Variants in SH3KBP1 observed in about 807,000 individuals in gnomAD.
SH3KBP1 encodes the protein SH3 domain containing kinase binding protein 1.
Under a neutral mutation model 50.1 loss-of-function variants are expected in SH3KBP1, and 8 were observed. The observed-to-expected ratio is 0.16, with a 90% CI of 0.09 to 0.29. The LOEUF is 0.29. Ranked by LOEUF, SH3KBP1 falls within the 10% of genes least tolerant of loss-of-function variation. SH3KBP1 has a pLI of 1.00. For synonymous variants in SH3KBP1, 227 were observed against 218.6 expected (o/e 1.04, Z -0.34); for missense variants, 377 against 535.2 (o/e 0.70, Z 2.92).
chrX:19,779,429 A>ATT (rs751392909), intron 2 of SH3KBP1, among the ~76,000 whole-genome samples: 7 of 104,682 alleles, frequency 6.7e-5, no homozygotes, highest in Admixed American at 6.2e-4. Context: ...ACAGCACTTT[A>ATT]TTTTTTTTTT....
chrX:19,541,853 C>G, intron 16 of SH3KBP1, 72 bp downstream of exon 16: 1 of 1,121,576 alleles, frequency 8.9e-7, no homozygotes, highest in Non-Finnish European at 1.2e-6. Flanking sequence ...GGGATCCATG[C>G]TTTCAGAACT....
intron 6 of SH3KBP1, among the ~76,000 whole-genome samples, chrX:19,672,068 A>G (rs1274055244): frequency 8.9e-6 from 1 of 112,429 alleles, no homozygotes; most frequent in African/African-American, 3.2e-5. Context: ...AGAAATTTAC[A>G]ATCTCCTTGG....
intron 6 of SH3KBP1, among the ~76,000 whole-genome samples, chrX:19,665,775 C>T (rs1240053243): frequency 9.0e-6 from 1 of 111,721 alleles, no homozygotes; most frequent in Non-Finnish European, 1.9e-5. Context: ...ACCATGCAGT[C>T]AAAGTAAGCT....
chrX:19,797,766 A>G (rs145244061), intron 2 of SH3KBP1, among the ~76,000 whole-genome samples: 87 of 110,857 alleles, frequency 7.8e-4, no homozygotes, highest in African/African-American at 2.8e-3. Context: ...GAGGAATTCA[A>G]TGGGGGAAAG....
At chrX:19,844,024 C>T (rs1012994746) in intron 1 of SH3KBP1, among the ~76,000 whole-genome samples, 1 of 111,384 alleles carries the variant, frequency 9.0e-6, no homozygotes, top group African/African-American at 3.3e-5. Context: ...CATTCACTGG[C>T]TGTGTGACAT....
At chrX:19,688,908 G>A (rs2063224951) in intron 5 of SH3KBP1, among the ~76,000 whole-genome samples, 1 of 111,403 alleles carries the variant, frequency 9.0e-6, no homozygotes. Context: ...TCACTTCTTA[G>A]AAACACTCCA....
At chrX:19,683,768 G>A (rs1293942187) in intron 6 of SH3KBP1, 55 bp downstream of exon 6, 30 of 1,102,904 alleles carry the variant, frequency 2.7e-5, no homozygotes, top group Non-Finnish European at 3.5e-5. Context: ...ACCCCACAAC[G>A]TACTTTTGGA....
At chrX:19,761,214 A>G in intron 2 of SH3KBP1, among the ~76,000 whole-genome samples, 2 of 51,010 alleles carry the variant, frequency 3.9e-5, no homozygotes, top group African/African-American at 8.1e-5. Flanking sequence ...GGGGGGGAAG[A>G]GAGAGAGGGA....
At chrX:19,862,566 G>A (rs2068804362) in intron 1 of SH3KBP1, among the ~76,000 whole-genome samples, 1 of 110,522 alleles carries the variant, frequency 9.0e-6, no homozygotes, top group East Asian at 2.8e-4. Flanking sequence ...CTCTGATAGG[G>A]GCTCTTTCCA....
chrX:19,691,831 C>T (rs1238465962), intron 5 of SH3KBP1, among the ~76,000 whole-genome samples: 2 of 111,292 alleles, frequency 1.8e-5, no homozygotes, highest in Non-Finnish European at 3.8e-5. Flanking sequence ...CACTCTTTTA[C>T]TGATGCATGT....
chrX:19,828,499 C>T (rs966049650), intron 2 of SH3KBP1, among the ~76,000 whole-genome samples: 1 of 111,616 alleles, frequency 9.0e-6, no homozygotes, highest in Non-Finnish European at 1.9e-5. Context: ...TAGCAAGACC[C>T]GCCCAGGCAC....
At chrX:19,884,704 G>T (rs970433454) in intron 1 of SH3KBP1, among the ~76,000 whole-genome samples, 3 of 112,421 alleles carry the variant, frequency 2.7e-5, no homozygotes, top group Admixed American at 9.4e-5. Context: ...GAATTAAACA[G>T]AAATCATTTG....
At position 19,535,216 on chromosome X, in the gene SH3KBP1, A is replaced by C. The variant is rs2064676928; in HGVS notation, c.*1201T>G. The C allele has an allele frequency of 3.6e-6, 1 of 276,639 alleles. No individual in the cohort carries two copies. Among genetic ancestry groups the C allele is most frequent in the African/African-American group, 2.8e-5 (1 of 36,053 alleles). The allele number at this position is 276,639 out of a possible 1,213,427, so 22.8% of individuals were successfully genotyped here. A position where few individuals can be genotyped will look rare whatever the true frequency, so the allele number is the denominator to read the frequency against. The stretch of plus-strand genomic sequence containing the variant: ...ACAGGCAAACATCAGTTTCCTTGGG[A>C]AAGAAAAAGCAACTCCATAAATGCA... On this transcript the variant is annotated 3_prime_UTR_variant, in exon 18 of 18. Transcript: ENST00000397821.
At chrX:19,686,778 C>T (rs1603006053) in intron 5 of SH3KBP1, among the ~76,000 whole-genome samples, 2 of 110,740 alleles carry the variant, frequency 1.8e-5, no homozygotes, top group South Asian at 3.8e-4. Flanking sequence ...TATCCATACA[C>T]GTAGGTATGT....
chrX:19,741,060 T>C (rs751145635), intron 3 of SH3KBP1, among the ~76,000 whole-genome samples: 1 of 112,891 alleles, frequency 8.9e-6, no homozygotes, highest in South Asian at 3.6e-4. Context: ...ACGAGGTCCA[T>C]ATTAATGTGG....
chrX:19,723,481 T>A (rs1157444489), intron 3 of SH3KBP1, among the ~76,000 whole-genome samples: 1 of 112,143 alleles, frequency 8.9e-6, no homozygotes, highest in Non-Finnish European at 1.9e-5. Flanking sequence ...TCTGTGTTTT[T>A]AAAAAATGCC....
intron 7 of SH3KBP1, among the ~76,000 whole-genome samples, chrX:19,635,368 T>G (rs919000121): frequency 9.4e-6 from 1 of 106,903 alleles, no homozygotes; most frequent in East Asian, 2.9e-4. Context: ...GAGTTGAACA[T>G]TGAGAATACA....
At chrX:19,630,939 C>T (rs897693258) in intron 8 of SH3KBP1, among the ~76,000 whole-genome samples, 3 of 111,612 alleles carry the variant, frequency 2.7e-5, no homozygotes, top group Non-Finnish European at 5.7e-5. Context: ...CCACAGTCGG[C>T]GGGACCCTGG....
At chrX:19,649,784 G>T (rs1253428963) in intron 6 of SH3KBP1, among the ~76,000 whole-genome samples, 3 of 111,699 alleles carry the variant, frequency 2.7e-5, no homozygotes, top group Non-Finnish European at 5.6e-5. Context: ...CAACTAATTT[G>T]TTTTCTCTGC....
Sources: allele counts gnomAD v4.1 joint callset (sites outside exome capture counted in the v4.1 genomes callset), GRCh38; gene constraint gnomAD v4.1.1; transcripts MANE v1.5; gene names NCBI Gene and HGNC (gene_info 2026-07-23, HGNC 2026-07-21).